The following SMOC2 variants were observed in gnomAD, a reference collection of about 807,000 sequenced individuals.
SMOC2 encodes SPARC related modular calcium binding 2.
In SMOC2, 39 loss-of-function variants were observed where a neutral mutation model predicts 61.4. That is an observed-to-expected ratio of 0.64 (90% CI 0.49 to 0.83). The LOEUF is 0.83. Among genes scored for constraint, SMOC2 ranks in the 40% least tolerant of loss-of-function variants. SMOC2 has a pLI of 0.00. For missense variants in SMOC2, 556 were observed against 592.9 expected, an observed-to-expected ratio of 0.94 and a Z score of 0.65; for synonymous variants, 247 against 239.9, an observed-to-expected ratio of 1.03 and a Z score of -0.27.
At chr6:168,464,651 C>G (rs890254601) in intron 1 of SMOC2, among the ~76,000 whole-genome samples, 7 of 151,972 alleles carry the variant, frequency 4.6e-5, no homozygotes, top group African/African-American at 1.7e-4. Flanking sequence ...CACTAAGCCA[C>G]AAATGGATAA....
intron 7 of SMOC2, among the ~76,000 whole-genome samples, chr6:168,567,649 T>G (rs572667995): frequency 6.6e-6 from 1 of 152,154 alleles, no homozygotes; most frequent in East Asian, 1.9e-4. Context: ...ATATTTGGAG[T>G]CTTGAGCAAA....
chr6:168,571,167 T>C (rs1784657183), intron 7 of SMOC2, among the ~76,000 whole-genome samples: 1 of 152,224 alleles, frequency 6.6e-6, no homozygotes. Flanking sequence ...AGATTGACTA[T>C]GTTCAGAATG....
intron 11 of SMOC2, among the ~76,000 whole-genome samples, chr6:168,654,121 A>C (rs75748854): frequency 2.7e-5 from 2 of 73,918 alleles, no homozygotes; most frequent in African/African-American, 1.4e-4. Context: ...GCTCCAACCA[A>C]ATGTTAGGAA....
At chr6:168,574,989 C>T (rs1450151480) in intron 7 of SMOC2, among the ~76,000 whole-genome samples, 1 of 152,344 alleles carries the variant, frequency 6.6e-6, no homozygotes, top group East Asian at 1.9e-4. Context: ...CTCTGCTCCA[C>T]TCGAACACTC....
At chr6:168,518,439 CTGTGAATG>C (rs1260595763) in intron 2 of SMOC2, among the ~76,000 whole-genome samples, 13 of 147,566 alleles carry the variant, frequency 8.8e-5, no homozygotes, top group South Asian at 8.5e-4. Flanking sequence ...GCATGTGTGA[CTGTGAATG>C]TGTGAATGTG....
chr6:168,614,384 T>C (rs79687967), intron 9 of SMOC2, among the ~76,000 whole-genome samples: 10 of 74,550 alleles, frequency 1.3e-4, no homozygotes, highest in Admixed American at 8.8e-4. Context: ...GGCCTCTTCA[T>C]ACCTACAGCC....
chr6:168,532,874 G>A (rs1230908391), intron 4 of SMOC2, among the ~76,000 whole-genome samples: 3 of 152,290 alleles, frequency 2.0e-5, no homozygotes, highest in East Asian at 3.9e-4. Flanking sequence ...GGCCTGTTCC[G>A]ACAGAGTGGA....
At chr6:168,554,139 G>T (rs141286250) in intron 7 of SMOC2, among the ~76,000 whole-genome samples, 1 of 152,212 alleles carries the variant, frequency 6.6e-6, no homozygotes, top group Admixed American at 6.5e-5. Flanking sequence ...TGCGTGTGCT[G>T]TGCACGGTGC....
At chr6:168,599,532 ACACC>A (rs1785459958) in intron 8 of SMOC2, among the ~76,000 whole-genome samples, 1 of 15,440 alleles carries the variant, frequency 6.5e-5, no homozygotes, top group African/African-American at 2.2e-4. Flanking sequence ...ATACCCCCAC[ACACC>A]CACTCACACA....
At chr6:168,650,503 A>T (rs1787165035) in intron 9 of SMOC2, among the ~76,000 whole-genome samples, 178 bp from the exon 10 acceptor site, 1 of 152,380 alleles carries the variant, frequency 6.6e-6, no homozygotes, top group African/African-American at 2.4e-5. Context: ...AATTAATAAT[A>T]GCTATGGCTC....
chr6:168,512,734 C>A (rs1349403844), intron 2 of SMOC2, among the ~76,000 whole-genome samples: 4 of 152,158 alleles, frequency 2.6e-5, no homozygotes, highest in African/African-American at 9.7e-5. Context: ...GCTCTGGACA[C>A]TCATCTGTTT....
chr6:168,596,171 G>A (rs12526756), intron 7 of SMOC2, among the ~76,000 whole-genome samples: 4 of 82,076 alleles, frequency 4.9e-5, no homozygotes, highest in Admixed American at 3.4e-4. Context: ...ATGTGAACAC[G>A]GCAGTGATGA....
At chr6:168,447,581 G>A (rs1781358289) in intron 1 of SMOC2, among the ~76,000 whole-genome samples, 2 of 152,124 alleles carry the variant, frequency 1.3e-5, no homozygotes, top group African/African-American at 4.8e-5. Flanking sequence ...CCCCAGCCGA[G>A]GGCAGACATT....
rs772456459 is a variant in SMOC2 at position 168,598,825 on chromosome 6, C to T, written c.645C>T (p.Ser215=). 2 of 1,613,732 alleles carry T rather than the reference C, an allele frequency of 1.2e-6. No homozygotes were observed. Among genetic ancestry groups the T allele is most frequent in the East Asian group, 2.2e-5 (1 of 44,870 alleles). Residue 215 remains serine (S), a synonymous_variant, in exon 8 of 13, where the codon TCC becomes TCT. Transcript: ENST00000356284. ...QNKTNKNSVS[S]CDQEHQSALE... ...CCTTCTTCTTCCCCGCAGTGTCATC[C>T]TGTGACCAAGAGCACCAGTCTGCCC...
At chr6:168,502,465 A>G (rs540570974) in intron 1 of SMOC2, among the ~76,000 whole-genome samples, 4 of 152,196 alleles carry the variant, frequency 2.6e-5, no homozygotes, top group Admixed American at 6.5e-5. Flanking sequence ...CTGCGTATTT[A>G]TTGGGTTTGT....
chr6:168,640,780 T>C (rs1786875003), intron 9 of SMOC2, among the ~76,000 whole-genome samples: 1 of 152,122 alleles, frequency 6.6e-6, no homozygotes, highest in South Asian at 2.1e-4. Context: ...AAAAACAGAT[T>C]AGGAGTCTGG....
intron 4 of SMOC2, among the ~76,000 whole-genome samples, chr6:168,536,674 G>A (rs575366420): frequency 6.6e-6 from 1 of 152,284 alleles, no homozygotes; most frequent in East Asian, 1.9e-4. Context: ...GTGGAGAGAG[G>A]GGAGATGAGG....
At chr6:168,512,173 C>T (rs545848890) in intron 2 of SMOC2, among the ~76,000 whole-genome samples, 3 of 152,252 alleles carry the variant, frequency 2.0e-5, no homozygotes, top group Non-Finnish European at 2.9e-5. Context: ...TAGGTGGAGC[C>T]GGGCTGGCAG....
intron 1 of SMOC2, among the ~76,000 whole-genome samples, chr6:168,460,032 A>G (rs903763721): frequency 6.6e-6 from 1 of 152,142 alleles, no homozygotes; most frequent in Non-Finnish European, 1.5e-5. Flanking sequence ...TAGAATTTTG[A>G]ACTCTTTGGA....
Sources: gnomAD v4.1 joint callset for allele counts (sites outside exome capture counted in the v4.1 genomes callset) on GRCh38, gnomAD v4.1.1 for gene constraint, MANE v1.5 for transcripts, NCBI Gene and HGNC (gene_info 2026-07-23, HGNC 2026-07-21) for gene names.